CASQ1: variants seen among roughly 807,000 people sequenced by gnomAD.
CASQ1 encodes the protein calsequestrin-1.
CASQ1 carries 40 observed loss-of-function variants against 49.5 expected under a neutral mutation model. That is an observed-to-expected ratio of 0.81 (90% CI 0.63 to 1.05). The LOEUF (loss-of-function observed/expected upper bound fraction) is 1.05, where lower values mean the gene tolerates loss of function less well. Ranked by LOEUF, CASQ1 falls within the 50% of genes least tolerant of loss-of-function variation. CASQ1 has a pLI of 0.00. For missense variants in CASQ1, 469 were observed against 486.9 expected (o/e 0.96, Z 0.35); for synonymous variants, 174 against 187.2 (o/e 0.93, Z 0.58).
chr1:160,196,223 G>GC (rs1407996018), intron 6 of CASQ1, among the ~76,000 whole-genome samples, 196 bp downstream of exon 6: 1 of 152,118 alleles, frequency 6.6e-6, no homozygotes, highest in Non-Finnish European at 1.5e-5. Flanking sequence ...TTAGCCCTGA[G>GC]CCCTACACCG....
intron 5 of CASQ1, 118 bp downstream of exon 5, chr1:160,195,652 GCCCC>G: frequency 1.4e-6 from 1 of 716,422 alleles, no homozygotes; most frequent in Non-Finnish European, 2.2e-6. Context: ...CTCCCTACCT[GCCCC>G]CCCCCCCGGC....
rs115023646 is a variant in CASQ1, at chr1:160,192,895, G to T, written c.364+9G>T. On this transcript the variant is annotated intron_variant, in intron 2 of 10. Coordinates refer to ENST00000368078, the MANE Select transcript of CASQ1 (RefSeq NM_001231.5). ...TGTGGCCAAGAAACTAGGTAAGAGAGGGGAGGGCAGGGGAGGGGAAGGTGG... is the reference window on the plus strand; with the variant it reads ...TGTGGCCAAGAAACTAGGTAAGAGATGGGAGGGCAGGGGAGGGGAAGGTGG... 8.3e-4 allele frequency: 1,330 copies of T among 1,604,098 alleles called. 10 individuals carry two copies. The African/African-American group carries it at 0.016, about 19-fold the overall frequency.
At position 160,195,501 on chromosome 1, in the gene CASQ1, C is replaced by T. The variant is rs1654198618; in HGVS notation, c.618C>T (p.Pro206=). 6.2e-7 allele frequency: 1 copy of T among 1,614,102 alleles called. No homozygotes were observed. Among genetic ancestry groups the T allele is most frequent in the Non-Finnish European group, 8.5e-7 (1 of 1,179,984 alleles). Residue 206 remains proline (P), a synonymous_variant, in exon 5 of 11, where the codon CCC becomes CCT. Coordinates refer to ENST00000368078, the MANE Select transcript of CASQ1 (RefSeq NM_001231.5). ...AFEDAAEEFH[P]YIPFFATFDS... ...AGGATGCAGCTGAGGAGTTTCATCC[C>T]TACATCCCCTTCTTCGCCACCTTCG...
intron 7 of CASQ1, among the ~76,000 whole-genome samples, chr1:160,197,956 T>C (rs986851074): frequency 5.3e-5 from 8 of 151,182 alleles, no homozygotes; most frequent in Admixed American, 5.3e-4. Flanking sequence ...GAGGCGGAGC[T>C]TGCAGTGATC....
rs781617550 is a variant in CASQ1, at chr1:160,190,756, G to C, written c.5G>C (p.Ser2Thr). Residue 2 changes from serine to threonine, a missense_variant, in exon 1 of 11, where the codon AGT becomes ACT. Physicochemically the swap from Ser to Thr is moderately conservative, Grantham distance 58 (BLOSUM62 1). Transcript: ENST00000368078. Reference sequence around the variant, plus strand: ...AACCCAGATCCCACTACCTCCATGAGTGCTACAGACAGGATGGGGCCCAGA... The same window carrying C: ...AACCCAGATCCCACTACCTCCATGACTGCTACAGACAGGATGGGGCCCAGA... M[S>T]ATDRMGPRAV... 1.2e-6 allele frequency: 2 copies of C among 1,613,646 alleles called. No homozygotes were observed. The highest frequency in any genetic ancestry group is 4.5e-5 in the East Asian group (2 of 44,854).
At chr1:160,194,538 GCA>G (rs753486929) in intron 3 of CASQ1, among the ~76,000 whole-genome samples, 1 of 124,898 alleles carries the variant, frequency 8.0e-6, no homozygotes, top group South Asian at 2.6e-4. Context: ...CCGTACATGC[GCA>G]CACACACACC....
rs1230225593 is a variant in CASQ1 at position 160,190,587 on chromosome 1, A to G, written c.-165A>G. ...CCCTTTTTCCCTTGGCTCTGTCGGC[A>G]GTTTCTCCAGGACCCAGCAGTGCCC... is the stretch of plus-strand genomic sequence containing the variant. On this transcript the variant is annotated 5_prime_UTR_variant, in exon 1 of 11. Transcript: ENST00000368078. 3 of 627,804 alleles carry G rather than the reference A, an allele frequency of 4.8e-6. No homozygotes were observed. The African/African-American group carries it at 5.5e-5, about 12-fold the overall frequency. The allele number at this position is 627,804 out of a possible 1,614,324, so 38.9% of individuals were successfully genotyped here.
chr1:160,192,841 G>C lies in CASQ1; in HGVS notation c.319G>C (p.Gly107Arg), dbSNP rs143532190. 3.1e-6 allele frequency: 5 copies of C among 1,613,984 alleles called. No homozygotes were observed. The highest frequency in any genetic ancestry group is 3.3e-5 in the Admixed American group (2 of 59,988). The stretch of plus-strand genomic sequence containing the variant: ...CCTAGAAGACAAGGGTGTTGGCTTC[G>C]GGCTGGTAGACTCTGAGAAGGATGC... ...QVLEDKGVGF[G>R]LVDSEKDAAV... Residue 107 changes from glycine (G) to arginine (R), a missense_variant, in exon 2 of 11, where the codon GGG becomes CGG. Gly to Arg is a moderately radical substitution (Grantham distance 125). Coordinates refer to ENST00000368078, the MANE Select transcript of CASQ1 (RefSeq NM_001231.5).
intron 1 of CASQ1, among the ~76,000 whole-genome samples, chr1:160,192,427 C>T (rs1654099519): frequency 1.3e-5 from 2 of 152,140 alleles, no homozygotes; most frequent in Admixed American, 1.3e-4. Context: ...TGACCAGGGA[C>T]AGGGACCTCC....
chr1:160,190,684 A>G lies in CASQ1; in HGVS notation c.-68A>G. 6.7e-7 allele frequency: 1 copy of G among 1,492,560 alleles called. No individual in the cohort carries two copies. Among genetic ancestry groups the G allele is most frequent in the Non-Finnish European group, 9.1e-7 (1 of 1,098,022 alleles). 92.5% of individuals were successfully genotyped at this position (1,492,560 alleles called of 1,614,324 possible). A position where few individuals can be genotyped will look rare whatever the true frequency, so the allele number is the denominator to read the frequency against. Reference sequence around the variant, plus strand: ...GCCCCTAACTCAGAATCTGGGACCCAGGGGCCCCTCCCTACCCCAGCTAAC... The same window carrying G: ...GCCCCTAACTCAGAATCTGGGACCCGGGGGCCCCTCCCTACCCCAGCTAAC... On this transcript the variant is annotated 5_prime_UTR_variant, in exon 1 of 11. Transcript: ENST00000368078.
At chr1:160,195,660 C>CCG (rs1553192588) in intron 5 of CASQ1, 126 bp downstream of exon 5, 2 of 815,890 alleles carry the variant, frequency 2.5e-6, no homozygotes, top group Admixed American at 2.2e-5. Context: ...CTGCCCCCCC[C>CCG]CCCGGCTCCT....
chr1:160,190,812 TTGCTGCTGG>T lies in CASQ1; in HGVS notation c.66_74del (p.Leu23_Leu25del). 1 of 1,614,068 alleles carries T rather than the reference TTGCTGCTGG, an allele frequency of 6.2e-7. No homozygotes were observed. Among genetic ancestry groups the T allele is most frequent in the Non-Finnish European group, 8.5e-7 (1 of 1,179,996 alleles). ...GCCGGGTCTGCGGCTGGCACTGCTG[TTGCTGCTGG>T]TGCTAGGGACACCCAAGTCAGGGGT... On this transcript the variant is annotated inframe_deletion, in exon 1 of 11. Coordinates refer to ENST00000368078, the MANE Select transcript of CASQ1 (RefSeq NM_001231.5).
chr1:160,192,984 T>C (rs1654112840), intron 2 of CASQ1, 98 bp downstream of exon 2: 3 of 912,918 alleles, frequency 3.3e-6, no homozygotes, highest in Non-Finnish European at 5.4e-6. Flanking sequence ...TCCGAGGGGC[T>C]TGGGAATCTC....
intron 3 of CASQ1, among the ~76,000 whole-genome samples, chr1:160,194,590 TAC>T (rs1408052716): frequency 1.7e-5 from 2 of 115,936 alleles, no homozygotes; most frequent in Admixed American, 1.8e-4. Context: ...ATGCACACAC[TAC>T]ACACATGCAC....
At chr1:160,196,479 T>TC (rs1478752866) in intron 6 of CASQ1, among the ~76,000 whole-genome samples, 18 of 138,762 alleles carry the variant, frequency 1.3e-4, no homozygotes, top group South Asian at 2.1e-4. Context: ...TTCTTCTTCT[T>TC]TTTTTTTTTT....
chr1:160,196,161 C>A, intron 6 of CASQ1, 134 bp downstream of exon 6: 2 of 774,402 alleles, frequency 2.6e-6, no homozygotes, highest in Non-Finnish European at 4.1e-6. Flanking sequence ...CTTTGGGCAC[C>A]AGTGCTCTCT....
At position 160,195,538 on chromosome 1, in the gene CASQ1, C is replaced by A. The variant is rs753969914; in HGVS notation, c.651+4C>A. ...CTTCGCCACCTTCGACAGCAAGGTT[C>A]TCCTCCCCGCAGCTGTATTGGTTCT... On this transcript the variant is annotated splice_donor_region_variant and intron_variant, in intron 5 of 10. Coordinates refer to ENST00000368078, the MANE Select transcript of CASQ1 (RefSeq NM_001231.5). 6.2e-7 allele frequency: 1 copy of A among 1,612,402 alleles called. No homozygotes were observed. The highest frequency in any genetic ancestry group is 1.1e-5 in the South Asian group (1 of 91,046).
chr1:160,200,803 G>A (rs1196501129), intron 10 of CASQ1, among the ~76,000 whole-genome samples: 1 of 151,780 alleles, frequency 6.6e-6, no homozygotes, highest in African/African-American at 2.4e-5. Context: ...GAGGCCAGGT[G>A]TTCAAGGCTG....
Position 160,201,244 on chromosome 1 carries a change from G to A in CASQ1, c.1060-1G>A. The A allele has an allele frequency of 6.2e-7, 1 of 1,612,462 alleles. No individual in the cohort carries two copies. The highest frequency in any genetic ancestry group is 8.5e-7 in the Non-Finnish European group (1 of 1,179,418). Reference sequence around the variant, plus strand: ...CCGTCCCTGCCTGTGCCATCTCCTAGGCGGATAGCGTATGGATGGAAATGG... The same window carrying A: ...CCGTCCCTGCCTGTGCCATCTCCTAAGCGGATAGCGTATGGATGGAAATGG... On this transcript the variant is annotated splice_acceptor_variant, in intron 10 of 10. Coordinates refer to ENST00000368078, the MANE Select transcript of CASQ1 (RefSeq NM_001231.5). LOFTEE classifies it high-confidence loss of function.
Sources: allele counts gnomAD v4.1 joint callset (sites outside exome capture counted in the v4.1 genomes callset), GRCh38; gene constraint gnomAD v4.1.1; transcripts MANE v1.5; gene names NCBI Gene and HGNC (gene_info 2026-07-23, HGNC 2026-07-21).